LARGE1: variants seen among roughly 807,000 people sequenced by gnomAD.
The protein encoded by LARGE1 is xylosyl- and glucuronyltransferase LARGE1.
Under a neutral mutation model 87.6 loss-of-function variants are expected in LARGE1, and 43 were observed. That is an observed-to-expected ratio of 0.49 (90% CI 0.38 to 0.63). LARGE1 has a LOEUF of 0.63. Ranked by LOEUF, LARGE1 falls within the 30% of genes least tolerant of loss-of-function variation. The pLI, the probability that LARGE1 is intolerant of heterozygous loss-of-function variation, is 0.00. For synonymous variants in LARGE1, 434 were observed against 394.6 expected, an observed-to-expected ratio of 1.10 and a Z score of -1.18; for missense variants, 802 against 1,000.2, an observed-to-expected ratio of 0.80 and a Z score of 2.67.
rs144701292 is a variant in LARGE1 at position 33,900,773 on chromosome 22, G to A, written c.-83+19222C>T. On this transcript the variant is annotated intron_variant, in intron 1 of 14. Coordinates refer to ENST00000397394, the MANE Select transcript of LARGE1 (RefSeq NM_133642.5). ...TATAAAAAGGGGAAGCTGGCTGGGC[G>A]CAGTGGCTCACGCCTGTAATCCCAG... Among the ~76,000 whole-genome samples the A allele has an allele frequency of 6.3e-3, 956 of 152,292 alleles. 6 individuals are homozygous for A. The highest frequency in any genetic ancestry group is 0.021 in the African/African-American group (884 of 41,554).
chr22:33,763,838 CTTTTTTTTTTTTTT>C (rs71187279), intron 1 of LARGE1, among the ~76,000 whole-genome samples: 5 of 71,178 alleles, frequency 7.0e-5, no homozygotes, highest in African/African-American at 1.8e-4. Flanking sequence ...AATTAGTTTG[CTTTTTTTTTTTTTT>C]TTTTTTTTTT....
intron 1 of LARGE1, among the ~76,000 whole-genome samples, chr22:33,789,052 A>G: frequency 6.6e-6 from 1 of 152,240 alleles, no homozygotes; most frequent in East Asian, 1.9e-4. Context: ...AAATGTCTCC[A>G]GGGCAAGTCA....
At chr22:33,796,223 G>A (rs1601635781) in intron 1 of LARGE1, among the ~76,000 whole-genome samples, 1 of 152,252 alleles carries the variant, frequency 6.6e-6, no homozygotes, top group East Asian at 1.9e-4. Context: ...AGTATTACTC[G>A]GGTATACATC....
chr22:33,200,373 C>T (rs930298099), intron 11 of LARGE1, among the ~76,000 whole-genome samples: 1 of 152,080 alleles, frequency 6.6e-6, no homozygotes, highest in South Asian at 2.1e-4. Context: ...GAAGTCAAAA[C>T]CCTCGTACGT....
chr22:33,081,110 T>A, the LARGE1 span, among the ~76,000 whole-genome samples: 1 of 152,206 alleles, frequency 6.6e-6, no homozygotes, highest in Non-Finnish European at 1.5e-5. Flanking sequence ...TTGAAGGTAA[T>A]CACTCTCTCT....
chr22:33,516,078 TG>T, intron 6 of LARGE1, among the ~76,000 whole-genome samples: 1 of 152,322 alleles, frequency 6.6e-6, no homozygotes, highest in East Asian at 1.9e-4. Flanking sequence ...GAGAGTTTGT[TG>T]CAGAGGATGC....
intron 6 of LARGE1, among the ~76,000 whole-genome samples, chr22:33,544,216 G>T (rs563591844): frequency 1.3e-5 from 2 of 152,258 alleles, no homozygotes; most frequent in South Asian, 4.1e-4. Flanking sequence ...TGTGGATTCT[G>T]CCTTATATCT....
the LARGE1 span, among the ~76,000 whole-genome samples, chr22:33,099,586 C>T: frequency 2.7e-4 from 41 of 152,242 alleles, no homozygotes; most frequent in East Asian, 5.8e-4. Context: ...GTGGGCAAGG[C>T]GTGTTCCCAG....
At chr22:33,824,784 C>T (rs1326497530) in intron 1 of LARGE1, among the ~76,000 whole-genome samples, 1 of 152,122 alleles carries the variant, frequency 6.6e-6, no homozygotes, top group South Asian at 2.1e-4. Context: ...AATGAAATGA[C>T]TTAATACAAG....
At chr22:33,099,063 T>C in the LARGE1 span, among the ~76,000 whole-genome samples, 5 of 152,258 alleles carry the variant, frequency 3.3e-5, no homozygotes, top group South Asian at 1.0e-3. Flanking sequence ...CTCCCATGTG[T>C]TAATCAACTC....
chr22:33,201,031 G>A (rs971628513), intron 11 of LARGE1, among the ~76,000 whole-genome samples: 2 of 152,122 alleles, frequency 1.3e-5, no homozygotes, highest in Non-Finnish European at 2.9e-5. Context: ...GAATAGGGCC[G>A]GGTGCAGTGA....
chr22:33,833,067 A>C (rs1449771131), intron 1 of LARGE1, among the ~76,000 whole-genome samples: 1 of 151,936 alleles, frequency 6.6e-6, no homozygotes, highest in Non-Finnish European at 1.5e-5. Context: ...GTGGCAGTCA[A>C]CTCCAGAACC....
chr22:33,393,826 C>T (rs555832404), intron 7 of LARGE1, among the ~76,000 whole-genome samples: 8 of 152,316 alleles, frequency 5.3e-5, no homozygotes, highest in Non-Finnish European at 7.4e-5. Flanking sequence ...TTACCTACAG[C>T]TGTTGTGCTG....
In LARGE1 at chr22:33,459,443, T is replaced by C. The variant is rs776482361; in HGVS notation, c.788-27178A>G. On this transcript the variant is annotated intron_variant, in intron 6 of 14. Transcript: ENST00000397394. ...AACAAAGCTCGCTCGCTCTCTCTCT[T>C]TTTTTTTTTTTTTTTTTTTGACATT... 3.1e-3 allele frequency among the ~76,000 whole-genome samples: 280 copies of C among 89,504 alleles called. 2 individuals carry two copies. The highest frequency in any genetic ancestry group is 9.2e-3 in the Admixed American group (80 of 8,686). 58.7% of individuals were successfully genotyped at this position (89,504 alleles called of 152,430 possible).
At chr22:33,310,982 A>G (rs142693941) in intron 11 of LARGE1, among the ~76,000 whole-genome samples, 4,979 of 146,142 alleles carry the variant, frequency 0.034, 242 homozygotes, top group African/African-American at 0.12. Flanking sequence ...TTTTTTTGAG[A>G]CCGAGTCTCG....
rs3213513 is a variant in LARGE1, at chr22:33,564,728, C to G, written c.787+120G>C. ...TTGAACCATATTTGTAATTCCTCAC[C>G]CACTGCATTAGCACGACCTCATTCG... On this transcript the variant is annotated intron_variant, in intron 6 of 14. Coordinates refer to ENST00000397394, the MANE Select transcript of LARGE1 (RefSeq NM_133642.5). 0.075 allele frequency: 70,862 copies of G among 944,620 alleles called. 3,294 individuals are homozygous for G. The highest frequency in any genetic ancestry group is 0.096 in the Non-Finnish European group (55,831 of 583,734). The allele number at this position is 944,620 out of a possible 1,614,324, so 58.5% of individuals were successfully genotyped here. A position where few individuals can be genotyped will look rare whatever the true frequency, so the allele number is the denominator to read the frequency against.
intron 6 of LARGE1, among the ~76,000 whole-genome samples, chr22:33,515,565 A>T (rs537503312): frequency 6.6e-6 from 1 of 152,304 alleles, no homozygotes; most frequent in African/African-American, 2.4e-5. Flanking sequence ...TTCCCAGAAC[A>T]CTGGAGCTAA....
intron 10 of LARGE1, among the ~76,000 whole-genome samples, chr22:33,333,563 A>G (rs563985439): frequency 6.6e-6 from 1 of 152,236 alleles, no homozygotes; most frequent in African/African-American, 2.4e-5. Flanking sequence ...CTCTTTTAAC[A>G]GTTCACTTCT....
At chr22:33,661,217 AT>A (rs11356402) in intron 2 of LARGE1, among the ~76,000 whole-genome samples, 2,966 of 141,966 alleles carry the variant, frequency 0.021, 62 homozygotes, top group African/African-American at 0.058. Flanking sequence ...AGGTTCTATG[AT>A]TTTTTTTTTT....
Sources: gnomAD v4.1 joint callset for allele counts (sites outside exome capture counted in the v4.1 genomes callset) on GRCh38, gnomAD v4.1.1 for gene constraint, MANE v1.5 for transcripts, NCBI Gene and HGNC (gene_info 2026-07-23, HGNC 2026-07-21) for gene names.